SYT1: variants seen among roughly 807,000 people sequenced by gnomAD.
The protein encoded by SYT1 is synaptotagmin-1.
SYT1 carries 8 observed loss-of-function variants against 44.8 expected under a neutral mutation model. The observed-to-expected ratio is 0.18, with a 90% CI of 0.10 to 0.32. SYT1 has a LOEUF of 0.32. SYT1 is among the 10% of genes least tolerant of loss of function. The pLI is 1.00. For missense variants in SYT1, 286 were observed against 509.3 expected (o/e 0.56, Z 4.22); for synonymous variants, 154 against 188.8 (o/e 0.82, Z 1.51).
intron 3 of SYT1, among the ~76,000 whole-genome samples, chr12:79,151,196 G>T (rs995691167): frequency 8.5e-5 from 13 of 152,118 alleles, no homozygotes; most frequent in Non-Finnish European, 1.2e-4. Context: ...AGGTGTCAAG[G>T]GTTGGCAGAG....
intron 1 of SYT1, among the ~76,000 whole-genome samples, chr12:78,910,182 C>T (rs185696215): frequency 5.3e-5 from 8 of 152,074 alleles, no homozygotes; most frequent in Non-Finnish European, 1.2e-4. Flanking sequence ...GGGCAGTTGT[C>T]ATCTTACATT....
intron 3 of SYT1, among the ~76,000 whole-genome samples, chr12:79,096,520 A>G (rs1878140839): frequency 6.6e-6 from 1 of 152,002 alleles, no homozygotes; most frequent in African/African-American, 2.4e-5. Context: ...ACGTTTCTTA[A>G]CACTTCCTGG....
Position 79,181,599 on chromosome 12 carries a change from T to C in SYT1, c.-17-35904T>C, listed in dbSNP as rs1299426933. Among the ~76,000 whole-genome samples the C allele has an allele frequency of 4.6e-5, 7 of 152,042 alleles. No individual in the cohort carries two copies. In the South Asian group the frequency reaches 6.2e-4, roughly 14 times the overall value. Reference sequence around the variant, plus strand: ...TATTTAAATAGTTCCTGAGACCCTATGATCTGATTTCTCAGTTTCCATTCC... The same window carrying C: ...TATTTAAATAGTTCCTGAGACCCTACGATCTGATTTCTCAGTTTCCATTCC... On this transcript the variant is annotated intron_variant, in intron 3 of 10. Coordinates refer to ENST00000261205, the MANE Select transcript of SYT1 (RefSeq NM_005639.3).
chr12:79,072,337 G>T (rs1052704699), intron 3 of SYT1, among the ~76,000 whole-genome samples: 1 of 151,654 alleles, frequency 6.6e-6, no homozygotes, highest in Non-Finnish European at 1.5e-5. Context: ...AGATGAGGAG[G>T]AGTATTAAAT....
intron 7 of SYT1, 37 bp from the exon 8 acceptor site, chr12:79,299,347 G>A (rs1258898057): frequency 1.9e-6 from 3 of 1,603,322 alleles, no homozygotes; most frequent in African/African-American, 2.7e-5. Context: ...AAGCATTTTT[G>A]TGACTGGATA....
intron 4 of SYT1, among the ~76,000 whole-genome samples, chr12:79,254,707 A>G (rs1212067070): frequency 6.6e-6 from 1 of 152,226 alleles, no homozygotes; most frequent in Non-Finnish European, 1.5e-5. Context: ...TTCATGATTC[A>G]TAGGAGGTCA....
chr12:79,376,606 G>A (rs527839195), intron 9 of SYT1, among the ~76,000 whole-genome samples: 43 of 152,248 alleles, frequency 2.8e-4, no homozygotes, highest in African/African-American at 1.0e-3. Flanking sequence ...AGCCGTCTGG[G>A]AATGCAGCCC....
intron 3 of SYT1, among the ~76,000 whole-genome samples, chr12:79,212,697 A>G (rs773878043): frequency 2.6e-5 from 4 of 152,206 alleles, no homozygotes; most frequent in Non-Finnish European, 4.4e-5. Flanking sequence ...CCTTTCAGTA[A>G]GATGACTTGT....
chr12:79,176,106 C>T (rs2138372565), intron 3 of SYT1, among the ~76,000 whole-genome samples: 1 of 151,894 alleles, frequency 6.6e-6, no homozygotes, highest in East Asian at 2.0e-4. Context: ...GCCTGGCCAA[C>T]ATGGTGAAAC....
intron 3 of SYT1, among the ~76,000 whole-genome samples, chr12:79,115,858 T>C (rs1879247750): frequency 6.6e-6 from 1 of 152,212 alleles, no homozygotes; most frequent in Non-Finnish European, 1.5e-5. Context: ...TTAGGGTTGC[T>C]TTGAATATTT....
chr12:78,986,828 G>A (rs1394606824), intron 2 of SYT1, among the ~76,000 whole-genome samples: 2 of 151,960 alleles, frequency 1.3e-5, no homozygotes, highest in African/African-American at 4.8e-5. Context: ...TGAAGGATTA[G>A]ATACATATCT....
chr12:79,168,129 A>C (rs772027336), intron 3 of SYT1, among the ~76,000 whole-genome samples: 1 of 152,080 alleles, frequency 6.6e-6, no homozygotes, highest in Non-Finnish European at 1.5e-5. Flanking sequence ...GGTCTAATAC[A>C]TATGTATGTA....
intron 4 of SYT1, among the ~76,000 whole-genome samples, chr12:79,278,101 T>C (rs1462655465): frequency 6.6e-6 from 1 of 152,060 alleles, no homozygotes; most frequent in African/African-American, 2.4e-5. Context: ...AGTAGACAGA[T>C]TGTCAAGGCA....
At chr12:79,412,132 C>G (rs1334408651) in intron 9 of SYT1, among the ~76,000 whole-genome samples, 1 of 152,110 alleles carries the variant, frequency 6.6e-6, no homozygotes, top group Non-Finnish European at 1.5e-5. Flanking sequence ...ACAGTTTGAC[C>G]TTTTGATTTG....
At chr12:78,925,262 C>A (rs12580781) in intron 1 of SYT1, among the ~76,000 whole-genome samples, 12,837 of 151,850 alleles carry the variant, frequency 0.085, 619 homozygotes, top group East Asian at 0.18. Context: ...TATTTTATTT[C>A]TTTGCTCACC....
intron 1 of SYT1, among the ~76,000 whole-genome samples, chr12:78,971,941 T>C (rs1442223580): frequency 1.3e-5 from 2 of 152,162 alleles, no homozygotes; most frequent in Middle Eastern, 3.2e-3. Context: ...TAAACATGTA[T>C]AATTTTACAA....
intron 1 of SYT1, among the ~76,000 whole-genome samples, chr12:78,975,578 G>A (rs1457921137): frequency 5.3e-5 from 8 of 152,180 alleles, no homozygotes; most frequent in Admixed American, 5.2e-4. Context: ...AGTTGAATCT[G>A]TGTTATTTAA....
At chr12:79,253,880 T>C (rs1877370109) in intron 4 of SYT1, among the ~76,000 whole-genome samples, 1 of 152,198 alleles carries the variant, frequency 6.6e-6, no homozygotes, top group Non-Finnish European at 1.5e-5. Context: ...CCTAATTTGA[T>C]GCCTAATCCA....
chr12:78,988,832 C>A (rs999515280), intron 2 of SYT1, among the ~76,000 whole-genome samples: 3 of 152,050 alleles, frequency 2.0e-5, no homozygotes, highest in Non-Finnish European at 4.4e-5. Context: ...AAAATTTATT[C>A]CAGTTTCTGT....
Sources: gnomAD v4.1 joint callset for allele counts (sites outside exome capture counted in the v4.1 genomes callset) on GRCh38, gnomAD v4.1.1 for gene constraint, MANE v1.5 for transcripts, NCBI Gene and HGNC (gene_info 2026-07-23, HGNC 2026-07-21) for gene names.